The following CELF2 variants were observed in gnomAD, a reference collection of about 807,000 sequenced individuals.
The protein encoded by CELF2 is CUGBP Elav-like family member 2.
A neutral mutation model predicts 62.6 loss-of-function variants in CELF2; 8 were observed. The observed-to-expected ratio is 0.13, with a 90% CI of 0.07 to 0.23. The LOEUF (loss-of-function observed/expected upper bound fraction) is 0.23. CELF2 is among the 10% of genes least tolerant of loss of function. CELF2 has a pLI of 1.00. For synonymous variants in CELF2, 258 were observed against 250.0 expected (o/e 1.03, Z -0.30); for missense variants, 333 against 671.0 (o/e 0.50, Z 5.56).
chr10:10,706,282 C>G, the CELF2 span, among the ~76,000 whole-genome samples: 11 of 152,206 alleles, frequency 7.2e-5, no homozygotes, highest in Non-Finnish European at 1.5e-4. Context: ...CTTATTCACA[C>G]AGTACCTAGC....
chr10:11,014,781 T>C (rs2988403), upstream of CELF2, among the ~76,000 whole-genome samples: 3 of 152,282 alleles, frequency 2.0e-5, no homozygotes, highest in East Asian at 3.9e-4. Context: ...TCAGAAACTT[T>C]CCCTTGAAGT....
chr10:10,552,924 C>T, the CELF2 span, among the ~76,000 whole-genome samples: 1 of 152,178 alleles, frequency 6.6e-6, no homozygotes, highest in Admixed American at 6.5e-5. Flanking sequence ...TGAGGGCTCC[C>T]TTCCTGGCTT....
chr10:10,879,127 A>T (rs2061288635), intron 1 of CELF2, among the ~76,000 whole-genome samples: 1 of 152,164 alleles, frequency 6.6e-6, no homozygotes, highest in Admixed American at 6.6e-5. Context: ...TCAAATGAAA[A>T]CAGTTAATTC....
upstream of CELF2, among the ~76,000 whole-genome samples, chr10:11,012,875 G>C (rs2056695452): frequency 6.6e-6 from 1 of 152,076 alleles, no homozygotes; most frequent in South Asian, 2.1e-4. The surrounding 1 kb of genome is among the most constrained non-coding windows in gnomAD (Gnocchi z 5.5). Flanking sequence ...TTCTTCAAAG[G>C]ATTTTTTTTT....
At chr10:10,559,232 C>T in the CELF2 span, among the ~76,000 whole-genome samples, 5 of 152,160 alleles carry the variant, frequency 3.3e-5, no homozygotes, top group African/African-American at 1.2e-4. Context: ...GCATGTCTGA[C>T]CTATGTCACT....
intron 5 of CELF2, among the ~76,000 whole-genome samples, chr10:11,258,150 T>C (rs2079376331): frequency 6.6e-6 from 1 of 152,208 alleles, no homozygotes; most frequent in African/African-American, 2.4e-5. Context: ...TTCAATCTCA[T>C]ATTGAAATGG....
chr10:10,508,345 G>C, the CELF2 span, among the ~76,000 whole-genome samples: 1 of 152,210 alleles, frequency 6.6e-6, no homozygotes, highest in Admixed American at 6.5e-5. Flanking sequence ...TGGATTGAAA[G>C]TGACAGACCT....
At chr10:10,852,687 T>C (rs941967164) in intron 1 of CELF2, among the ~76,000 whole-genome samples, 7 of 152,188 alleles carry the variant, frequency 4.6e-5, no homozygotes, top group African/African-American at 1.7e-4. Context: ...TAGAACACTT[T>C]TGCAAGATGT....
the CELF2 span, among the ~76,000 whole-genome samples, chr10:10,678,283 T>C: frequency 1.3e-5 from 2 of 152,072 alleles, no homozygotes; most frequent in Non-Finnish European, 2.9e-5. Flanking sequence ...TAAATGAACA[T>C]TTAAAATTGT....
At chr10:10,970,251 GAT>G (rs1237542158) in intron 2 of CELF2, among the ~76,000 whole-genome samples, 1 of 152,020 alleles carries the variant, frequency 6.6e-6, no homozygotes, top group Non-Finnish European at 1.5e-5. Flanking sequence ...GCTTTTAAGA[GAT>G]ACGGGGTTTC....
At chr10:10,620,858 C>T in the CELF2 span, among the ~76,000 whole-genome samples, 9,519 of 133,544 alleles carry the variant, frequency 0.071, 474 homozygotes, top group African/African-American at 0.15. Context: ...GCGGAGCTTG[C>T]AGTGAGACGA....
chr10:10,658,783 C>A, the CELF2 span, among the ~76,000 whole-genome samples: 1 of 151,698 alleles, frequency 6.6e-6, no homozygotes, highest in Non-Finnish European at 1.5e-5. Flanking sequence ...TTTAACTGGC[C>A]TGATAGAATT....
At position 10,805,511 on chromosome 10, in the gene CELF2, A is replaced by G. The variant is rs545145862; in HGVS notation, c.53+6694A>G. 4.6e-5 allele frequency among the ~76,000 whole-genome samples: 7 copies of G among 152,298 alleles called. No homozygotes were observed. The East Asian group carries it at 1.3e-3, about 29-fold the overall frequency. Reference sequence around the variant, plus strand: ...AGGTGTTGGCTGGAATGCATTGTCAATTCTTTTGGCAGCCTGGAGCTTTAC... The same window carrying G: ...AGGTGTTGGCTGGAATGCATTGTCAGTTCTTTTGGCAGCCTGGAGCTTTAC... On this transcript the variant is annotated intron_variant, in intron 1 of 13. Transcript: ENST00000636488.
At chr10:11,197,593 C>T (rs1448089249) in intron 2 of CELF2, among the ~76,000 whole-genome samples, 1 of 152,238 alleles carries the variant, frequency 6.6e-6, no homozygotes, top group African/African-American at 2.4e-5. Context: ...TTCTGTTAAA[C>T]AATCCAACAC....
the CELF2 span, among the ~76,000 whole-genome samples, chr10:10,673,423 C>T: frequency 4.6e-5 from 7 of 151,974 alleles, no homozygotes; most frequent in Non-Finnish European, 7.4e-5. Context: ...TGTTTTATCT[C>T]TTTTTTCCTT....
rs555313309 is a variant in CELF2 at position 11,179,631 on chromosome 10, C to T, written c.271+13949C>T. Among the ~76,000 whole-genome samples, 34 of 152,218 alleles carry T rather than the reference C, an allele frequency of 2.2e-4. No individual in the cohort carries two copies. In the South Asian group the frequency reaches 6.8e-3, roughly 31 times the overall value. On this transcript the variant is annotated intron_variant, in intron 2 of 12. Coordinates refer to ENST00000633077, the MANE Select transcript of CELF2 (RefSeq NM_001326342.2). ...GAACCCTACGTGCCAGGCAGTGTGC[C>T]GCATCCCAGGAATACAAAGATGACT...
chr10:10,804,062 T>C (rs1352841983), intron 1 of CELF2, among the ~76,000 whole-genome samples: 1 of 152,240 alleles, frequency 6.6e-6, no homozygotes, highest in African/African-American at 2.4e-5. Context: ...GTGTCTAATA[T>C]GGTAATGTAG....
At chr10:11,044,913 T>A (rs1228086380) in intron 1 of CELF2, among the ~76,000 whole-genome samples, 1 of 152,236 alleles carries the variant, frequency 6.6e-6, no homozygotes, top group Non-Finnish European at 1.5e-5. Flanking sequence ...TAGTTTAATT[T>A]ATTCTTACTG....
intron 1 of CELF2, among the ~76,000 whole-genome samples, chr10:11,083,835 G>A (rs1047966640): frequency 1.3e-5 from 2 of 152,200 alleles, no homozygotes; most frequent in South Asian, 4.1e-4. Context: ...TTAGTGATAA[G>A]GGAGAATTAG....
Sources: allele counts gnomAD v4.1 joint callset (sites outside exome capture counted in the v4.1 genomes callset), GRCh38; gene constraint gnomAD v4.1.1; non-coding constraint Gnocchi (gnomAD v3.1); transcripts MANE v1.5; gene names NCBI Gene and HGNC (gene_info 2026-07-23, HGNC 2026-07-21).